LDAH: variants seen among roughly 807,000 people sequenced by gnomAD.
LDAH encodes lipid droplet-associated hydrolase.
Under a neutral mutation model 29.6 loss-of-function variants are expected in LDAH, and 26 were observed. The observed-to-expected ratio is 0.88, with a 90% confidence interval of 0.64 to 1.22. The LOEUF is 1.22. Among genes scored for constraint, LDAH ranks in the 50% most tolerant of loss-of-function variants. The pLI is 0.00. For missense variants in LDAH, 344 were observed against 387.3 expected (o/e 0.89, Z 0.94); for synonymous variants, 117 against 133.0 (o/e 0.88, Z 0.83).
chr2:20,751,027 A>C (rs1572544897), intron 4 of LDAH, among the ~76,000 whole-genome samples: 1 of 152,168 alleles, frequency 6.6e-6, no homozygotes, highest in East Asian at 1.9e-4. Context: ...GGATTGAAAA[A>C]CTACCTATTG....
chr2:20,685,254 T>C lies in LDAH; in HGVS notation c.*1649A>G, dbSNP rs929436170. 4 of 483,654 alleles carry C rather than the reference T, an allele frequency of 8.3e-6. No homozygotes were observed. Among genetic ancestry groups the C allele is most frequent in the Admixed American group, 7.7e-5 (2 of 25,914 alleles). 30.0% of individuals were successfully genotyped at this position (483,654 alleles called of 1,614,324 possible). ...GAATGTTACTCTTTATTCTGGTAGG[T>C]ATGATTTACCCAGTATTGTTTACAT... On this transcript the variant is annotated 3_prime_UTR_variant, in exon 7 of 7. Coordinates refer to ENST00000237822, the MANE Select transcript of LDAH (RefSeq NM_021925.4).
At position 20,684,529 on chromosome 2, in the gene LDAH, G is replaced by A. The variant is rs778328275; in HGVS notation, c.*2374C>T. 8 of 170,352 alleles carry A rather than the reference G, an allele frequency of 4.7e-5. No individual in the cohort carries two copies. The highest frequency in any genetic ancestry group is 9.5e-5 in the African/African-American group (4 of 42,292). 10.6% of individuals were successfully genotyped at this position (170,352 alleles called of 1,614,324 possible). ...TGCTGGGATCACAGGTGTGAGCTACGGCACCCAGCCTGTTTGTTTTGAATA... is the reference window on the plus strand; with the variant it reads ...TGCTGGGATCACAGGTGTGAGCTACAGCACCCAGCCTGTTTGTTTTGAATA... On this transcript the variant is annotated 3_prime_UTR_variant, in exon 7 of 7. Transcript: ENST00000237822.
chr2:20,784,835 C>T (rs1295279689), intron 3 of LDAH, among the ~76,000 whole-genome samples: 1 of 151,718 alleles, frequency 6.6e-6, no homozygotes, highest in Non-Finnish European at 1.5e-5. Flanking sequence ...TGCAGTGGGC[C>T]AAGATTGTAC....
At chr2:20,734,585 A>G (rs1666651354) in intron 5 of LDAH, among the ~76,000 whole-genome samples, 1 of 152,174 alleles carries the variant, frequency 6.6e-6, no homozygotes, top group South Asian at 2.1e-4. Flanking sequence ...TCCCCCATTT[A>G]TAAAATCGTT....
intron 6 of LDAH, among the ~76,000 whole-genome samples, chr2:20,688,828 CTTT>C (rs57543886): frequency 0.024 from 2,646 of 111,944 alleles, 73 homozygotes; most frequent in African/African-American, 0.078. Flanking sequence ...TGGAGGTTTC[CTTT>C]TTTTTTTTTT....
chr2:20,730,074 A>G (rs1394012998), intron 5 of LDAH, among the ~76,000 whole-genome samples: 1 of 152,176 alleles, frequency 6.6e-6, no homozygotes, highest in African/African-American at 2.4e-5. Flanking sequence ...TGTAAACCTT[A>G]AGGGTTGCTT....
At chr2:20,737,340 G>A (rs112661697) in intron 5 of LDAH, among the ~76,000 whole-genome samples, 2,406 of 152,252 alleles carry the variant, frequency 0.016, 69 homozygotes, top group African/African-American at 0.055. Flanking sequence ...CCTGGAAGCA[G>A]AAGTCCCAGG....
In LDAH at chr2:20,790,309, G is replaced by A. The variant is rs775239344; in HGVS notation, c.244C>T (p.His82Tyr). Residue 82 changes from histidine (H) to tyrosine (Y), a missense_variant, in exon 3 of 7, where the codon CAT becomes TAT. His to Tyr is a moderately conservative substitution (Grantham distance 83). Coordinates refer to ENST00000237822, the MANE Select transcript of LDAH (RefSeq NM_021925.4). ...TTGGGAGCCAACGCATGCCCAGCATGACTGATAGTCCAAACTGGAAAGCGT... is the reference window on the plus strand; with the variant it reads ...TTGGGAGCCAACGCATGCCCAGCATAACTGATAGTCCAAACTGGAAAGCGT... ...NRRFPVWTIS[H>Y]AGHALAPKDK... 4 of 1,614,118 alleles carry A rather than the reference G, an allele frequency of 2.5e-6. 1 individual carries two copies. In the South Asian group the frequency reaches 4.4e-5, roughly 18 times the overall value.
intron 6 of LDAH, among the ~76,000 whole-genome samples, chr2:20,693,752 G>T (rs1285244452): frequency 6.6e-6 from 1 of 152,250 alleles, no homozygotes; most frequent in Non-Finnish European, 1.5e-5. Flanking sequence ...GAGCTCACAG[G>T]GTGAGCCTGT....
chr2:20,768,360 C>T (rs1407449589), intron 4 of LDAH, among the ~76,000 whole-genome samples: 1 of 152,178 alleles, frequency 6.6e-6, no homozygotes, highest in Non-Finnish European at 1.5e-5. Flanking sequence ...TTCTGGGTGC[C>T]ACCGCATTCC....
At chr2:20,703,089 G>A (rs1250884963) in intron 5 of LDAH, among the ~76,000 whole-genome samples, 2 of 152,178 alleles carry the variant, frequency 1.3e-5, no homozygotes, top group Non-Finnish European at 2.9e-5. Context: ...GCCTCTCAAA[G>A]TGCTGGGATT....
At chr2:20,701,824 T>C (rs1423119206) in intron 5 of LDAH, among the ~76,000 whole-genome samples, 172 bp from the exon 6 acceptor site, 1 of 152,236 alleles carries the variant, frequency 6.6e-6, no homozygotes, top group Non-Finnish European at 1.5e-5. Context: ...ACACAGTCTC[T>C]GGAAACAAGA....
chr2:20,770,364 G>A (rs1669331326), intron 4 of LDAH, among the ~76,000 whole-genome samples: 1 of 152,008 alleles, frequency 6.6e-6, no homozygotes, highest in Non-Finnish European at 1.5e-5. Flanking sequence ...CCTTCGAAGA[G>A]GAGAACATGT....
chr2:20,700,249 A>G (rs1322246490), intron 6 of LDAH, among the ~76,000 whole-genome samples: 1 of 152,252 alleles, frequency 6.6e-6, no homozygotes, highest in East Asian at 1.9e-4. Context: ...CCCTTCGGCT[A>G]GTGAGGGCTT....
In LDAH at chr2:20,685,271, T is replaced by C. The variant is rs1294815422; in HGVS notation, c.*1632A>G. 1 of 505,048 alleles carries C rather than the reference T, an allele frequency of 2.0e-6. No homozygotes were observed. The highest frequency in any genetic ancestry group is 3.4e-6 in the Non-Finnish European group (1 of 290,572). The allele number at this position is 505,048 out of a possible 1,614,324, so 31.3% of individuals were successfully genotyped here. The stretch of plus-strand genomic sequence containing the variant: ...CTGGTAGGTATGATTTACCCAGTAT[T>C]GTTTACATGCCTTGATTTAGTATCA... On this transcript the variant is annotated 3_prime_UTR_variant, in exon 7 of 7. Transcript: ENST00000237822.
intron 4 of LDAH, among the ~76,000 whole-genome samples, chr2:20,764,946 A>T (rs904960388): frequency 6.6e-6 from 1 of 152,250 alleles, no homozygotes; most frequent in African/African-American, 2.4e-5. Flanking sequence ...TATAAATTTC[A>T]AATGAATGTT....
At chr2:20,802,968 T>C (rs115635437) in intron 1 of LDAH, among the ~76,000 whole-genome samples, 5,927 of 152,224 alleles carry the variant, frequency 0.039, 154 homozygotes, top group African/African-American at 0.055. Flanking sequence ...CTGGAGAGCT[T>C]ATATTTTACC....
chr2:20,710,594 G>GTGTGTGTGTGTA lies in LDAH; in HGVS notation c.704-8943_704-8942insTACACACACACA, dbSNP rs1450481090. ...ACTATATATATATAGGGGTGTGTGT[G>GTGTGTGTGTGTA]TGTGTGTGTGTGTATATATATATAT... On this transcript the variant is annotated intron_variant, in intron 5 of 6. Coordinates refer to ENST00000237822, the MANE Select transcript of LDAH (RefSeq NM_021925.4). Among the ~76,000 whole-genome samples, 157 of 132,096 alleles carry GTGTGTGTGTGTA rather than the reference G, an allele frequency of 1.2e-3. 3 individuals are homozygous for GTGTGTGTGTGTA. The South Asian group carries it at 0.037, about 31-fold the overall frequency. 86.7% of individuals were successfully genotyped at this position (132,096 alleles called of 152,430 possible). A position where few individuals can be genotyped will look rare whatever the true frequency, so the allele number is the denominator to read the frequency against.
intron 6 of LDAH, among the ~76,000 whole-genome samples, chr2:20,690,231 A>G (rs1212694945): frequency 6.6e-6 from 1 of 152,316 alleles, no homozygotes; most frequent in Non-Finnish European, 1.5e-5. Context: ...CAAGAGACAA[A>G]TATGTCCAAG....
Sources: allele counts gnomAD v4.1 joint callset (sites outside exome capture counted in the v4.1 genomes callset), GRCh38; gene constraint gnomAD v4.1.1; transcripts MANE v1.5; gene names NCBI Gene and HGNC (gene_info 2026-07-23, HGNC 2026-07-21).